Variants in SV2C observed in about 807,000 individuals in gnomAD.
SV2C encodes solute carrier family 22 member B3.
SV2C carries 49 observed loss-of-function variants against 79.7 expected under a neutral mutation model. That is an observed-to-expected ratio of 0.61 (90% confidence interval 0.49 to 0.78). The LOEUF (loss-of-function observed/expected upper bound fraction) is 0.78, where lower values mean the gene tolerates loss of function less well. Among genes scored for constraint, SV2C ranks in the 30% least tolerant of loss-of-function variants. The pLI, the probability that SV2C is intolerant of heterozygous loss-of-function variation, is 0.00. For missense variants in SV2C, 833 were observed against 912.9 expected, an observed-to-expected ratio of 0.91 and a Z score of 1.13; for synonymous variants, 334 against 333.2, an observed-to-expected ratio of 1.00 and a Z score of -0.03.
chr5:76,041,140 A>C, the SV2C span, among the ~76,000 whole-genome samples: 2 of 152,188 alleles, frequency 1.3e-5, no homozygotes, highest in African/African-American at 2.4e-5. Flanking sequence ...GCAAGAATAC[A>C]AATAGAAGCC....
At chr5:76,121,508 C>T (rs1365740196) in intron 1 of SV2C, among the ~76,000 whole-genome samples, 14 of 151,398 alleles carry the variant, frequency 9.2e-5, no homozygotes, top group Non-Finnish European at 4.4e-5. Flanking sequence ...TCAGGTCTAA[C>T]GTTTAAGTCT....
chr5:75,959,874 A>G, the SV2C span, among the ~76,000 whole-genome samples: 2 of 152,014 alleles, frequency 1.3e-5, no homozygotes, highest in African/African-American at 4.8e-5. Flanking sequence ...AAGTATACTA[A>G]AAATCAATAT....
chr5:76,026,201 A>AC, the SV2C span, among the ~76,000 whole-genome samples: 4 of 140,034 alleles, frequency 2.9e-5, no homozygotes, highest in South Asian at 4.8e-4. Flanking sequence ...CAAATTTACA[A>AC]ACACACACAC....
At chr5:76,232,616 TA>T (rs1745460569) in intron 4 of SV2C, among the ~76,000 whole-genome samples, 1 of 149,808 alleles carries the variant, frequency 6.7e-6, no homozygotes, top group East Asian at 1.9e-4. Flanking sequence ...GGTTTTTGTA[TA>T]AGGTGTAAGG....
At chr5:76,107,010 A>G (rs1441855513) in intron 1 of SV2C, among the ~76,000 whole-genome samples, 2 of 152,196 alleles carry the variant, frequency 1.3e-5, no homozygotes, top group Non-Finnish European at 2.9e-5. Context: ...GAATGAACGT[A>G]TTCACAAATC....
chr5:76,148,961 GC>G (rs1467813041), intron 2 of SV2C, among the ~76,000 whole-genome samples: 2 of 152,112 alleles, frequency 1.3e-5, no homozygotes, highest in African/African-American at 4.8e-5. Flanking sequence ...GTCTTAATCT[GC>G]CACTCACTCT....
intron 2 of SV2C, among the ~76,000 whole-genome samples, chr5:76,161,652 T>C (rs1742901902): frequency 6.6e-6 from 1 of 152,176 alleles, no homozygotes; most frequent in Non-Finnish European, 1.5e-5. Context: ...AGGACTTATT[T>C]TGAGCTGATG....
At chr5:76,122,383 C>G (rs376229600) in intron 1 of SV2C, among the ~76,000 whole-genome samples, 401 of 151,440 alleles carry the variant, frequency 2.6e-3, no homozygotes, top group East Asian at 8.3e-3. Flanking sequence ...GCCTAATTGC[C>G]CTGGCCAGAA....
downstream of SV2C, among the ~76,000 whole-genome samples, chr5:76,337,694 G>A (rs1487036284): frequency 6.6e-6 from 1 of 152,116 alleles, no homozygotes; most frequent in Non-Finnish European, 1.5e-5. Flanking sequence ...GAGGAACAAG[G>A]GTCCTGCACT....
the SV2C span, among the ~76,000 whole-genome samples, chr5:76,016,137 A>G: frequency 6.6e-6 from 1 of 151,238 alleles, no homozygotes; most frequent in Non-Finnish European, 1.5e-5. Context: ...GGGTGGCCCC[A>G]TTCTTAGCAT....
At chr5:76,284,773 A>T (rs1747297497) in intron 4 of SV2C, among the ~76,000 whole-genome samples, 1 of 152,216 alleles carries the variant, frequency 6.6e-6, no homozygotes. Flanking sequence ...GAGCCGGTTG[A>T]TGCAGTCCAC....
At chr5:76,353,148 T>C in exon 13 of SV2C, 1 of 452,306 alleles carries the variant, frequency 2.2e-6, no homozygotes, top group Non-Finnish European at 4.4e-6. Flanking sequence ...TCTTGCCATG[T>C]TGCCCCGGCT....
the SV2C span, among the ~76,000 whole-genome samples, chr5:76,069,795 TCTCA>T: frequency 2.6e-5 from 4 of 151,858 alleles, no homozygotes; most frequent in Non-Finnish European, 4.4e-5. Flanking sequence ...TCTCTCTCTT[TCTCA>T]CTGTCTCCAA....
intron 4 of SV2C, among the ~76,000 whole-genome samples, chr5:76,232,861 G>A (rs1333844003): frequency 7.0e-5 from 10 of 143,606 alleles, no homozygotes; most frequent in Non-Finnish European, 1.5e-4. Flanking sequence ...ATAGTTTGAA[G>A]TCAGGTATTG....
chr5:75,852,263 T>C, the SV2C span, among the ~76,000 whole-genome samples: 6 of 152,220 alleles, frequency 3.9e-5, no homozygotes, highest in Non-Finnish European at 7.4e-5. Flanking sequence ...TGTATACCTA[T>C]GTAACAAACC....
At chr5:75,852,290 G>A in the SV2C span, among the ~76,000 whole-genome samples, 2 of 152,066 alleles carry the variant, frequency 1.3e-5, no homozygotes, top group African/African-American at 2.4e-5. Context: ...TTCTGCACAT[G>A]TACCCCAGAA....
intron 4 of SV2C, among the ~76,000 whole-genome samples, chr5:76,228,848 C>T (rs557420864): frequency 2.6e-5 from 4 of 152,274 alleles, no homozygotes; most frequent in African/African-American, 9.6e-5. Flanking sequence ...AAATGGCTTG[C>T]CCTAGGTCAC....
intron 4 of SV2C, among the ~76,000 whole-genome samples, chr5:76,274,395 G>C (rs1424826264): frequency 6.6e-6 from 1 of 152,080 alleles, no homozygotes; most frequent in African/African-American, 2.4e-5. Flanking sequence ...AAATAGTTTA[G>C]TGGGTTTTCC....
At chr5:76,200,014 A>T (rs1248627131) in intron 3 of SV2C, among the ~76,000 whole-genome samples, 2 of 152,218 alleles carry the variant, frequency 1.3e-5, no homozygotes, top group Non-Finnish European at 2.9e-5. Context: ...GGGAGAAAGG[A>T]AATAATCAGT....
Sources: gnomAD v4.1 joint callset for allele counts (sites outside exome capture counted in the v4.1 genomes callset) on GRCh38, gnomAD v4.1.1 for gene constraint, MANE v1.5 for transcripts, NCBI Gene and HGNC (gene_info 2026-07-23, HGNC 2026-07-21) for gene names.